The following TPTE2 variants were observed in gnomAD, a reference collection of about 807,000 sequenced individuals.
The protein encoded by TPTE2 is transmembrane phosphoinositide 3-phosphatase and tensin homolog 2.
Under a neutral mutation model 78.6 loss-of-function variants are expected in TPTE2, and 53 were observed. That is an observed-to-expected ratio of 0.67 (90% confidence interval 0.54 to 0.85). The LOEUF is 0.85. Among genes scored for constraint, TPTE2 ranks in the 40% least tolerant of loss-of-function variants. The probability of loss-of-function intolerance (pLI) is 0.00; values close to 1 mark genes in which losing one functional copy is unlikely to be tolerated. For synonymous variants in TPTE2, 175 were observed against 206.2 expected (o/e 0.85, Z 1.30); for missense variants, 461 against 623.0 (o/e 0.74, Z 2.77).
chr13:19,515,756 G>T (rs1342428797), intron 1 of TPTE2, among the ~76,000 whole-genome samples: 1 of 152,098 alleles, frequency 6.6e-6, no homozygotes, highest in Non-Finnish European at 1.5e-5. Context: ...ACACCAAAAA[G>T]GTAAGAATTT....
chr13:19,464,624 A>G, intron 9 of TPTE2, 104 bp from the exon 13 acceptor site: 7 of 1,307,432 alleles, frequency 5.4e-6, no homozygotes, highest in Non-Finnish European at 7.4e-6. Context: ...CAGAAAAAAA[A>G]CTTTTAAAAT....
At chr13:19,560,837 C>T in the TPTE2 span, 2 of 1,551,508 alleles carry the variant, frequency 1.3e-6, no homozygotes, top group East Asian at 2.4e-5. Flanking sequence ...GGCGCGCTCC[C>T]GCAGGCTCTT....
chr13:19,495,891 CAG>C (rs1232429803), intron 1 of TPTE2, among the ~76,000 whole-genome samples: 6 of 151,970 alleles, frequency 3.9e-5, no homozygotes. Flanking sequence ...TTTTTTGAGA[CAG>C]AGTCTCACTC....
In TPTE2 at chr13:19,535,614, AT is replaced by A; in HGVS notation, c.-44+981del. Among the ~76,000 whole-genome samples the A allele has an allele frequency of 2.1e-4, 1 of 4,866 alleles. No homozygotes were observed. The highest frequency in any genetic ancestry group is 0.024 in the South Asian group (1 of 42). 3.2% of individuals were successfully genotyped at this position (4,866 alleles called of 152,430 possible). ...GTAATACTATCTCCAGGATTTTCTTATTTATTTATTTATTTATTTATTTATT... is the reference window on the plus strand; with the variant it reads ...GTAATACTATCTCCAGGATTTTCTTATTATTTATTTATTTATTTATTTATT... On this transcript the variant is annotated intron_variant, in intron 1 of 17. Coordinates refer to the TPTE2 transcript ENST00000390680. This position sits in a 1 kb window ranked among gnomAD's most constrained non-coding sequence, Gnocchi z 5.1.
intron 10 of TPTE2, among the ~76,000 whole-genome samples, chr13:19,454,871 G>C (rs1430003427): frequency 6.6e-6 from 1 of 152,114 alleles, no homozygotes; most frequent in Non-Finnish European, 1.5e-5. Flanking sequence ...GCTCAATTTA[G>C]ACATGCTATA....
rs1566042361 is a variant in TPTE2, at chr13:19,443,772, A to ACC, written c.974-5620_974-5619insGG. On this transcript the variant is annotated intron_variant, in intron 13 of 19. Transcript: ENST00000400230. ...CACACACACACACACACACACACAC[A>ACC]CACACACAGTCGTTAAGCAATTGGA... Among the ~76,000 whole-genome samples, 559 of 134,400 alleles carry ACC rather than the reference A, an allele frequency of 4.2e-3. 5 individuals are homozygous for ACC. Among genetic ancestry groups the ACC allele is most frequent in the African/African-American group, 0.015 (538 of 36,266 alleles). 88.2% of individuals were successfully genotyped at this position (134,400 alleles called of 152,430 possible).
chr13:19,544,928 G>GCA, the TPTE2 span, among the ~76,000 whole-genome samples: 7 of 107,092 alleles, frequency 6.5e-5, no homozygotes, highest in African/African-American at 2.5e-4. Flanking sequence ...ACACACACGT[G>GCA]CACACTCACA....
intron 10 of TPTE2, among the ~76,000 whole-genome samples, chr13:19,461,295 T>G (rs1199798659): frequency 6.6e-6 from 1 of 152,140 alleles, no homozygotes; most frequent in South Asian, 2.1e-4. Context: ...AAAAATATTT[T>G]TAACTGACAC....
At chr13:19,539,453 C>T (rs950910787), upstream of TPTE2, among the ~76,000 whole-genome samples, 10 of 152,260 alleles carry the variant, frequency 6.6e-5, no homozygotes, top group African/African-American at 2.4e-4. Flanking sequence ...GTAAGATGTG[C>T]CTTTGCTTCT....
intron 11 of TPTE2, 108 bp from the exon 15 acceptor site, chr13:19,450,452 A>G (rs1878107092): frequency 8.5e-6 from 9 of 1,057,302 alleles, no homozygotes; most frequent in South Asian, 3.7e-5. Flanking sequence ...CTATCTTCAA[A>G]AAGAGCTTTC....
the TPTE2 span, among the ~76,000 whole-genome samples, chr13:19,551,865 G>A: frequency 1.3e-5 from 2 of 152,014 alleles, no homozygotes; most frequent in Admixed American, 1.3e-4. Flanking sequence ...CCAACTTCTA[G>A]CTAATCTTAC....
intron 1 of TPTE2, among the ~76,000 whole-genome samples, chr13:19,528,096 T>G (rs773003759): frequency 5.3e-5 from 8 of 151,862 alleles, no homozygotes; most frequent in Non-Finnish European, 7.4e-5. Context: ...AAAGTACCTT[T>G]CTTGGCCGGG....
the TPTE2 span, chr13:19,560,643 G>T: frequency 2.6e-6 from 4 of 1,563,892 alleles, no homozygotes; most frequent in Non-Finnish European, 3.5e-6. Flanking sequence ...GGCCAGCAGG[G>T]TCGGGCAAGG....
At chr13:19,439,325 G>A (rs1057162282) in intron 13 of TPTE2, among the ~76,000 whole-genome samples, 42 of 152,048 alleles carry the variant, frequency 2.8e-4, no homozygotes, top group East Asian at 5.8e-4. Context: ...AAAACCTGCT[G>A]GCAGAAGTGC....
At position 19,459,936 on chromosome 13, in the gene TPTE2, C is replaced by T. The variant is rs1878782962; in HGVS notation, c.741+4520G>A. Among the ~76,000 whole-genome samples the T allele has an allele frequency of 2.0e-5, 3 of 152,172 alleles. No individual in the cohort carries two copies. The South Asian group carries it at 6.2e-4, about 32-fold the overall frequency. ...AGACCCATCTGAGGTGGATTCCAACCCGCTGCTGTTGGCAGGCTAGTATTC... is the reference window on the plus strand; with the variant it reads ...AGACCCATCTGAGGTGGATTCCAACTCGCTGCTGTTGGCAGGCTAGTATTC... On this transcript the variant is annotated intron_variant, in intron 10 of 19. Transcript: ENST00000400230.
At chr13:19,497,501 T>C (rs7992319) in intron 1 of TPTE2, among the ~76,000 whole-genome samples, 3,280 of 89,604 alleles carry the variant, frequency 0.037, 118 homozygotes, top group African/African-American at 0.066. Context: ...CCCTGACCCC[T>C]GAGCAGCCTA....
chr13:19,555,558 A>T, the TPTE2 span, among the ~76,000 whole-genome samples: 1 of 152,194 alleles, frequency 6.6e-6, no homozygotes, highest in Non-Finnish European at 1.5e-5. Context: ...CAGTACCTTC[A>T]TTAGAGTAAA....
At chr13:19,474,747 T>C (rs1197373666) in intron 5 of TPTE2, among the ~76,000 whole-genome samples, 1 of 152,228 alleles carries the variant, frequency 6.6e-6, no homozygotes, top group Non-Finnish European at 1.5e-5. Context: ...GCCTTTGAAG[T>C]ACTTTTTTAA....
chr13:19,529,317 G>A (rs1290055663), intron 1 of TPTE2, among the ~76,000 whole-genome samples: 2 of 152,036 alleles, frequency 1.3e-5, no homozygotes, highest in African/African-American at 4.8e-5. Flanking sequence ...AAGAGAGACA[G>A]AGTTTCACCA....
Sources: gnomAD v4.1 joint callset for allele counts (sites outside exome capture counted in the v4.1 genomes callset) on GRCh38, gnomAD v4.1.1 for gene constraint, Gnocchi (gnomAD v3.1) non-coding constraint, MANE v1.5 for transcripts, NCBI Gene and HGNC (gene_info 2026-07-23, HGNC 2026-07-21) for gene names.